Variants in ZNF746 observed in about 807,000 individuals in gnomAD.
ZNF746 encodes zinc finger protein 746.
Under a neutral mutation model 41.0 loss-of-function variants are expected in ZNF746, and 13 were observed. The observed-to-expected ratio is 0.32, with a 90% CI of 0.21 to 0.50. ZNF746 has a LOEUF of 0.50. Ranked by LOEUF, ZNF746 falls within the 20% of genes least tolerant of loss-of-function variation. The pLI, the probability that ZNF746 is intolerant of heterozygous loss-of-function variation, is 0.98. For missense variants in ZNF746, 811 were observed against 922.9 expected (o/e 0.88, Z 1.57); for synonymous variants, 424 against 396.2 (o/e 1.07, Z -0.83).
chr7:149,473,790 C>G lies in ZNF746; in HGVS notation c.*594G>C, dbSNP rs1385567136. ...GGCCAGCACTTTTGGGGGGCCTTTT[C>G]AGGAGAGGCAAGCTGGGAAATGCAA... On this transcript the variant is annotated 3_prime_UTR_variant, in exon 7 of 7. Coordinates refer to ENST00000458143, the MANE Select transcript of ZNF746 (RefSeq NM_001394198.1). 2 of 156,184 alleles carry G rather than the reference C, an allele frequency of 1.3e-5. No homozygotes were observed. The highest frequency in any genetic ancestry group is 2.8e-5 in the Non-Finnish European group (2 of 70,250). 9.7% of individuals were successfully genotyped at this position (156,184 alleles called of 1,614,324 possible).
In ZNF746 at chr7:149,497,550, C is replaced by T; in HGVS notation, c.-14G>A. The T allele has an allele frequency of 9.4e-7, 1 of 1,066,582 alleles. No individual in the cohort carries two copies. The highest frequency in any genetic ancestry group is 1.1e-6 in the Non-Finnish European group (1 of 885,868). The allele number at this position is 1,066,582 out of a possible 1,614,324, so 66.1% of individuals were successfully genotyped here. On this transcript the variant is annotated 5_prime_UTR_variant, in exon 1 of 7. Coordinates refer to ENST00000458143, the MANE Select transcript of ZNF746 (RefSeq NM_001394198.1). The surrounding 1 kb of genome is among the most constrained non-coding windows in gnomAD (Gnocchi z 4.2). ...CGCCTCGGCCATGGCCCTGCGCTGT[C>T]CCGCCCGGCCCGGAGGAAGTCGTCG...
At chr7:149,492,831 G>A in intron 4 of ZNF746, 28 bp downstream of exon 4, 1 of 1,500,526 alleles carries the variant, frequency 6.7e-7, no homozygotes, top group Non-Finnish European at 9.3e-7. Context: ...AATACCTGAT[G>A]CCTCCCTGGC....
intron 3 of ZNF746, 54 bp from the exon 4 acceptor site, chr7:149,493,026 A>G: frequency 2.4e-6 from 3 of 1,228,462 alleles, no homozygotes; most frequent in Non-Finnish European, 2.4e-6. Context: ...AGCTGGGGAC[A>G]GTCATCCCGG....
chr7:149,474,825 GCCGCCA>G lies in ZNF746; in HGVS notation c.1536_1541del (p.Gly513_Gly514del), dbSNP rs1800230602. 7.0e-7 allele frequency: 1 copy of G among 1,418,968 alleles called. No homozygotes were observed. 87.9% of individuals were successfully genotyped at this position (1,418,968 alleles called of 1,614,324 possible). A position where few individuals can be genotyped will look rare whatever the true frequency, so the allele number is the denominator to read the frequency against. Reference sequence around the variant, plus strand: ...CATCCCGTGCGCTGCCCCCACCGCTGCCGCCACCGCCGCCGCCACTGCCGCTGCCGC... The same window carrying G: ...CATCCCGTGCGCTGCCCCCACCGCTGCCGCCGCCGCCACTGCCGCTGCCGC... On this transcript the variant is annotated inframe_deletion, in exon 7 of 7. Transcript: ENST00000458143. This position sits in a 1 kb window ranked among gnomAD's most constrained non-coding sequence, Gnocchi z 6.3.
intron 4 of ZNF746, chr7:149,489,307 A>C (rs1430898163): frequency 1.3e-5 from 2 of 152,012 alleles, no homozygotes; most frequent in Non-Finnish European, 2.9e-5. Context: ...ACATTCAGCA[A>C]ATAGTTATTG....
At position 149,494,564 on chromosome 7, in the gene ZNF746, C is replaced by A. The variant is rs1159479012; in HGVS notation, c.25-61G>T. On this transcript the variant is annotated intron_variant, in intron 1 of 6. Transcript: ENST00000458143. The surrounding 1 kb of genome is among the most constrained non-coding windows in gnomAD (Gnocchi z 5.6). ...TCCATCCACTGTCTTCATTGAGCCC[C>A]TCTCTCCCTAGGCACGGGGGAGTTG... 2 of 1,595,154 alleles carry A rather than the reference C, an allele frequency of 1.3e-6. No homozygotes were observed. The highest frequency in any genetic ancestry group is 1.7e-6 in the Non-Finnish European group (2 of 1,168,188).
At position 149,474,540 on chromosome 7, in the gene ZNF746, C is replaced by A. The variant is rs1800217641; in HGVS notation, c.1827G>T (p.Lys609Asn). The A allele has an allele frequency of 6.2e-7, 1 of 1,607,454 alleles. No homozygotes were observed. The highest frequency in any genetic ancestry group is 8.5e-7 in the Non-Finnish European group (1 of 1,177,306). ...KHQRNHAAGA[K>N]TPARGQPLPT... ...GGAGTGGCTGGCCTCGGGCCGGGGT[C>A]TTGGCGCCCGCTGCATGGTTGCGCT... The change falls in exon 7 of 7, where the codon AAG (lysine) becomes AAT (asparagine). Residue 609 changes from lysine (K) to asparagine (N), a missense_variant. Lys to Asn is a moderately conservative substitution (Grantham distance 94, BLOSUM62 0). Transcript: ENST00000458143. The surrounding 1 kb of genome is among the most constrained non-coding windows in gnomAD (Gnocchi z 6.3).
In ZNF746 at chr7:149,477,062, G is replaced by A. The variant is rs760659384; in HGVS notation, c.758-15C>T. 3.1e-6 allele frequency: 5 copies of A among 1,608,940 alleles called. No homozygotes were observed. In the African/African-American group the frequency reaches 5.3e-5, roughly 17 times the overall value. ...GGAATGGACACCTGCGGTAAGGGGA[G>A]AGCAGAGCCGGTGGGTTAGGGGACG... On this transcript the variant is annotated splice_polypyrimidine_tract_variant and intron_variant, in intron 5 of 6. Coordinates refer to ENST00000458143, the MANE Select transcript of ZNF746 (RefSeq NM_001394198.1).
In ZNF746 at chr7:149,494,356, T is replaced by C; in HGVS notation, c.172A>G (p.Asn58Asp). Residue 58 changes from asparagine to aspartate, a missense_variant, in exon 2 of 7, where the codon AAC becomes GAC. Asn to Asp is a conservative substitution (Grantham distance 23). This residue lies in a region of ZNF746 where 147 missense variants were observed against 233.4 expected (regional missense o/e 0.63). Coordinates refer to ENST00000458143, the MANE Select transcript of ZNF746 (RefSeq NM_001394198.1). This position sits in a 1 kb window ranked among gnomAD's most constrained non-coding sequence, Gnocchi z 5.6. ...DCEKTAVEFG[N>D]QLEGKWAVLG... Reference sequence around the variant, plus strand: ...ACGGCCCACTTGCCCTCCAGCTGGTTCCCGAACTCCACGGCTGTCTTCTCG... The same window carrying C: ...ACGGCCCACTTGCCCTCCAGCTGGTCCCCGAACTCCACGGCTGTCTTCTCG... The C allele has an allele frequency of 6.2e-7, 1 of 1,613,980 alleles. No homozygotes were observed. The highest frequency in any genetic ancestry group is 1.1e-5 in the South Asian group (1 of 91,070).
At chr7:149,495,694 A>G (rs918481580) in intron 1 of ZNF746, among the ~76,000 whole-genome samples, 2 of 152,232 alleles carry the variant, frequency 1.3e-5, no homozygotes, top group African/African-American at 4.8e-5. Context: ...CACTTAGAGA[A>G]AGTCACTGAG....
intron 4 of ZNF746, chr7:149,491,001 A>T (rs762859634): frequency 6.6e-6 from 1 of 152,326 alleles, no homozygotes; most frequent in Non-Finnish European, 1.5e-5. Context: ...AGCAGGGAAC[A>T]CTCAGGACCT....
Position 149,497,202 on chromosome 7 carries a change from G to A in ZNF746, c.24+311C>T, listed in dbSNP as rs188341079. 12 of 984,966 alleles carry A rather than the reference G, an allele frequency of 1.2e-5. No individual in the cohort carries two copies. In the East Asian group the frequency reaches 1.4e-3, roughly 112 times the overall value. The allele number at this position is 984,966 out of a possible 1,614,324, so 61.0% of individuals were successfully genotyped here. ...CAGAGAAAGGAGCCGCGGGTGGGGG[G>A]GCACCCAGAAGGAGGGGACAGCGGC... On this transcript the variant is annotated intron_variant, in intron 1 of 6. Coordinates refer to ENST00000458143, the MANE Select transcript of ZNF746 (RefSeq NM_001394198.1). This position sits in a 1 kb window ranked among gnomAD's most constrained non-coding sequence, Gnocchi z 4.2.
intron 6 of ZNF746, 95 bp downstream of exon 6, chr7:149,476,827 G>T: frequency 6.4e-7 from 1 of 1,560,298 alleles, no homozygotes; most frequent in Non-Finnish European, 8.8e-7. Flanking sequence ...TGGCTGGAAG[G>T]TCAGAGCAGT....
At chr7:149,487,118 T>C (rs1181848893) in intron 4 of ZNF746, among the ~76,000 whole-genome samples, 1 of 152,124 alleles carries the variant, frequency 6.6e-6, no homozygotes, top group Non-Finnish European at 1.5e-5. Flanking sequence ...TTGTGAACTG[T>C]GCATGCGAGG....
rs1801045142 is a variant in ZNF746, at chr7:149,497,420, A to C, written c.24+93T>G. The C allele has an allele frequency of 9.7e-7, 1 of 1,025,870 alleles. No individual in the cohort carries two copies. The highest frequency in any genetic ancestry group is 1.7e-5 in the African/African-American group (1 of 57,904). 63.5% of individuals were successfully genotyped at this position (1,025,870 alleles called of 1,614,324 possible). A position where few individuals can be genotyped will look rare whatever the true frequency, so the allele number is the denominator to read the frequency against. On this transcript the variant is annotated intron_variant, in intron 1 of 6. Transcript: ENST00000458143. The surrounding 1 kb of genome is among the most constrained non-coding windows in gnomAD (Gnocchi z 4.2). ...CCCGGTGGTCCGGCCCGGACCCCGG[A>C]ACCCCTCCCCAGGGCCTGCGGCGCC...
At chr7:149,490,577 T>C (rs566917235) in intron 4 of ZNF746, 1 of 152,962 alleles carries the variant, frequency 6.5e-6, no homozygotes, top group South Asian at 2.1e-4. Flanking sequence ...CTTGCAGGTC[T>C]TGAAGGACTG....
intron 3 of ZNF746, among the ~76,000 whole-genome samples, chr7:149,493,492 G>A (rs1035824430): frequency 7.3e-5 from 11 of 149,774 alleles, no homozygotes; most frequent in African/African-American, 2.7e-4. Context: ...GATTAAACAA[G>A]GAGAAGAGCA....
chr7:149,475,893 G>A lies in ZNF746; in HGVS notation c.884-410C>T, dbSNP rs183174967. On this transcript the variant is annotated intron_variant, in intron 6 of 6. Coordinates refer to ENST00000458143, the MANE Select transcript of ZNF746 (RefSeq NM_001394198.1). ...AGTTTCTAACCCACAGCTCATCTGT[G>A]AATGCCCACTTCACAGGTGTGAGGA... Among the ~76,000 whole-genome samples the A allele has an allele frequency of 3.3e-3, 498 of 152,352 alleles. 1 individual carries two copies. Among genetic ancestry groups the A allele is most frequent in the Middle Eastern group, 0.014 (4 of 294 alleles).
At chr7:149,487,245 G>T (rs1800655954) in intron 4 of ZNF746, among the ~76,000 whole-genome samples, 1 of 152,114 alleles carries the variant, frequency 6.6e-6, no homozygotes, top group African/African-American at 2.4e-5. Context: ...GTGCCAAAAA[G>T]GTTCCGGACT....
Sources: allele counts gnomAD v4.1 joint callset (sites outside exome capture counted in the v4.1 genomes callset), GRCh38; gene constraint gnomAD v4.1.1; regional missense constraint gnomAD v4.1.1; non-coding constraint Gnocchi (gnomAD v3.1); transcripts MANE v1.5; gene names NCBI Gene and HGNC (gene_info 2026-07-23, HGNC 2026-07-21).